SPOCK3: variants seen among roughly 807,000 people sequenced by gnomAD.
SPOCK3 encodes SPARC (osteonectin), cwcv and kazal like domains proteoglycan 3.
In SPOCK3, 30 loss-of-function variants were observed where a neutral mutation model predicts 56.6. The observed-to-expected ratio is 0.53, with a 90% CI of 0.40 to 0.72. The LOEUF (loss-of-function observed/expected upper bound fraction) is 0.72, where lower values mean the gene tolerates loss of function less well. SPOCK3 is among the 30% of genes least tolerant of loss of function. The pLI is 0.00. For synonymous variants in SPOCK3, 196 were observed against 183.3 expected, an observed-to-expected ratio of 1.07 and a Z score of -0.56; for missense variants, 527 against 530.0, an observed-to-expected ratio of 0.99 and a Z score of 0.06.
chr4:166,739,875 T>C (rs1201994530), intron 9 of SPOCK3, among the ~76,000 whole-genome samples: 1 of 152,186 alleles, frequency 6.6e-6, no homozygotes, highest in Non-Finnish European at 1.5e-5. Context: ...TTTAAAAAAC[T>C]ATAATTTATT....
chr4:167,224,383 G>A (rs1395891344), intron 2 of SPOCK3, among the ~76,000 whole-genome samples: 1 of 151,892 alleles, frequency 6.6e-6, no homozygotes, highest in Non-Finnish European at 1.5e-5. Flanking sequence ...TAAAGATGTG[G>A]GATATTTTAC....
At chr4:166,735,514 T>C (rs1321796325) in intron 10 of SPOCK3, among the ~76,000 whole-genome samples, 1 of 152,040 alleles carries the variant, frequency 6.6e-6, no homozygotes. Context: ...TTTGCAAATA[T>C]GGTTAAGTAA....
chr4:167,013,746 T>C (rs1042143481), intron 3 of SPOCK3, among the ~76,000 whole-genome samples: 2 of 152,008 alleles, frequency 1.3e-5, no homozygotes, highest in African/African-American at 4.8e-5. Flanking sequence ...CCTACTAATA[T>C]GGCGATTTTG....
At chr4:166,768,609 T>C (rs186872191) in intron 7 of SPOCK3, among the ~76,000 whole-genome samples, 129 of 152,360 alleles carry the variant, frequency 8.5e-4, no homozygotes, top group African/African-American at 2.7e-3. Flanking sequence ...TCTCTCTGGC[T>C]GCCCTTAACA....
At chr4:167,166,926 T>C (rs895977398) in intron 2 of SPOCK3, among the ~76,000 whole-genome samples, 7 of 152,164 alleles carry the variant, frequency 4.6e-5, no homozygotes, top group African/African-American at 1.4e-4. Flanking sequence ...ATTACACTTA[T>C]AGTGGAGTTC....
At chr4:167,219,324 A>G (rs540104436) in intron 2 of SPOCK3, among the ~76,000 whole-genome samples, 1 of 152,334 alleles carries the variant, frequency 6.6e-6, no homozygotes, top group Admixed American at 6.5e-5. Flanking sequence ...ACCATGTGCC[A>G]AGGCAATTAG....
At position 167,193,490 on chromosome 4, in the gene SPOCK3, G is replaced by A. The variant is rs1279168333; in HGVS notation, c.189+40495C>T. ...ATGCACCAATTAATAAATTATCATAGCTATAGTTAGTTTAATACTTTTGCC... is the reference window on the plus strand; with the variant it reads ...ATGCACCAATTAATAAATTATCATAACTATAGTTAGTTTAATACTTTTGCC... On this transcript the variant is annotated intron_variant, in intron 2 of 10. Transcript: ENST00000357545. Among the ~76,000 whole-genome samples, 2 of 145,342 alleles carry A rather than the reference G, an allele frequency of 1.4e-5. 1 individual carries two copies. Among genetic ancestry groups the A allele is most frequent in the East Asian group, 4.1e-4 (2 of 4,844 alleles).
At chr4:166,859,444 T>C (rs2126901516) in intron 6 of SPOCK3, among the ~76,000 whole-genome samples, 1 of 152,274 alleles carries the variant, frequency 6.6e-6, no homozygotes, top group African/African-American at 2.4e-5. Context: ...ATTGCACAAA[T>C]GTATTTACTC....
chr4:166,908,172 A>G (rs1394137522), intron 5 of SPOCK3, among the ~76,000 whole-genome samples: 1 of 151,862 alleles, frequency 6.6e-6, no homozygotes, highest in Admixed American at 6.6e-5. Flanking sequence ...AAATGACAGA[A>G]AGGTTAAAAC....
At chr4:166,782,504 A>G (rs1044061596) in intron 7 of SPOCK3, among the ~76,000 whole-genome samples, 2 of 152,192 alleles carry the variant, frequency 1.3e-5, no homozygotes, top group Non-Finnish European at 1.5e-5. Context: ...CCAACAAATA[A>G]TAACAGAATA....
chr4:166,762,011 A>T (rs1287069052), intron 7 of SPOCK3, among the ~76,000 whole-genome samples: 2 of 152,084 alleles, frequency 1.3e-5, no homozygotes, highest in Non-Finnish European at 2.9e-5. Context: ...ATATCTGTGA[A>T]TCACCATATT....
intron 2 of SPOCK3, among the ~76,000 whole-genome samples, chr4:167,108,018 G>T (rs1190026723): frequency 6.6e-6 from 1 of 151,836 alleles, no homozygotes; most frequent in African/African-American, 2.4e-5. Flanking sequence ...TTTGCCAAAT[G>T]AAGACATACA....
chr4:166,999,248 T>A (rs1404952986), intron 4 of SPOCK3, among the ~76,000 whole-genome samples: 2 of 152,188 alleles, frequency 1.3e-5, no homozygotes, highest in Non-Finnish European at 2.9e-5. Flanking sequence ...ATACCTTTGT[T>A]ATATCCAACT....
At chr4:166,848,351 A>C (rs1748319143) in intron 6 of SPOCK3, among the ~76,000 whole-genome samples, 1 of 152,172 alleles carries the variant, frequency 6.6e-6, no homozygotes, top group Non-Finnish European at 1.5e-5. Context: ...CCTGCCGTTT[A>C]CCTCTGTCAG....
intron 2 of SPOCK3, among the ~76,000 whole-genome samples, chr4:167,178,135 G>A (rs1731143016): frequency 6.6e-6 from 1 of 152,044 alleles, no homozygotes; most frequent in Admixed American, 6.6e-5. Context: ...CAAACATAAT[G>A]CCACATTTCC....
chr4:167,109,803 T>G (rs1005456108), intron 2 of SPOCK3, among the ~76,000 whole-genome samples: 6 of 151,264 alleles, frequency 4.0e-5, no homozygotes, highest in African/African-American at 1.5e-4. Context: ...GAAGGAGCAA[T>G]GAAAGCTTCC....
chr4:167,053,714 TA>T (rs527914598), intron 3 of SPOCK3, among the ~76,000 whole-genome samples: 40 of 151,200 alleles, frequency 2.6e-4, no homozygotes, highest in Admixed American at 7.3e-4. Context: ...AACAAATAAA[TA>T]AAAAAAAGAG....
chr4:167,213,721 A>G lies in SPOCK3; in HGVS notation c.189+20264T>C, dbSNP rs1156559924. 2.0e-5 allele frequency among the ~76,000 whole-genome samples: 3 copies of G among 152,156 alleles called. No individual in the cohort carries two copies. In the South Asian group the frequency reaches 6.2e-4, roughly 32 times the overall value. The stretch of plus-strand genomic sequence containing the variant: ...AACATCAAGGCTTCAATATAAATAC[A>G]TTCAACTACCTTGCATTACCAGTGT... On this transcript the variant is annotated intron_variant, in intron 2 of 10. Coordinates refer to ENST00000357545, the MANE Select transcript of SPOCK3 (RefSeq NM_001040159.2).
intron 2 of SPOCK3, among the ~76,000 whole-genome samples, chr4:167,134,326 C>A (rs28465014): frequency 0.13 from 19,374 of 151,926 alleles, 1,484 homozygotes; most frequent in African/African-American, 0.2. Context: ...AGCCATCGCA[C>A]GTGGCGCTTG....
Sources: allele counts gnomAD v4.1 joint callset (sites outside exome capture counted in the v4.1 genomes callset), GRCh38; gene constraint gnomAD v4.1.1; transcripts MANE v1.5; gene names NCBI Gene and HGNC (gene_info 2026-07-23, HGNC 2026-07-21).